The following ATL2 variants were observed in gnomAD, a reference collection of about 807,000 sequenced individuals.
ATL2 encodes atlastin-2.
ATL2 carries 31 observed loss-of-function variants against 73.9 expected under a neutral mutation model. The ratio of observed to expected loss-of-function variants is 0.42; its 90% CI spans 0.32 to 0.57. The LOEUF (loss-of-function observed/expected upper bound fraction) is 0.57. ATL2 is among the 20% of genes least tolerant of loss of function. The pLI, the probability that ATL2 is intolerant of heterozygous loss-of-function variation, is 0.14. For synonymous variants in ATL2, 291 were observed against 237.5 expected (o/e 1.23, Z -2.07); for missense variants, 738 against 702.6 (o/e 1.05, Z -0.57).
rs924529421 is a variant in ATL2 at position 38,294,802 on chromosome 2, T to G, written c.*1192A>C. 1.3e-5 allele frequency: 2 copies of G among 152,184 alleles called. No homozygotes were observed. The highest frequency in any genetic ancestry group is 2.4e-5 in the African/African-American group (1 of 41,442). The allele number at this position is 152,184 out of a possible 1,614,324, so 9.4% of individuals were successfully genotyped here. A position where few individuals can be genotyped will look rare whatever the true frequency, so the allele number is the denominator to read the frequency against. ...TCTCAACTGGGGTGTTTCCTGCTCA[T>G]GCTCTTTTCACTATAAACAAATGTG... On this transcript the variant is annotated 3_prime_UTR_variant, in exon 13 of 13. Coordinates refer to ENST00000378954, the MANE Select transcript of ATL2 (RefSeq NM_001135673.4).
intron 1 of ATL2, among the ~76,000 whole-genome samples, chr2:38,367,012 A>AT (rs935697431): frequency 2.0e-5 from 3 of 151,654 alleles, no homozygotes; most frequent in South Asian, 4.2e-4. Flanking sequence ...TACTATTATT[A>AT]TTTTTTTTAG....
chr2:38,303,207 T>G (rs1667273934), intron 9 of ATL2, among the ~76,000 whole-genome samples: 1 of 152,084 alleles, frequency 6.6e-6, no homozygotes, highest in South Asian at 2.1e-4. Context: ...CAAACCTCTT[T>G]TTTATTTTAT....
chr2:38,318,725 G>A, intron 3 of ATL2, 86 bp from the exon 4 acceptor site: 1 of 1,343,962 alleles, frequency 7.4e-7, no homozygotes, highest in Non-Finnish European at 1.0e-6. Flanking sequence ...TTGAAAAGCA[G>A]TAATTAAATC....
At chr2:38,367,386 G>A (rs1173172797) in intron 1 of ATL2, among the ~76,000 whole-genome samples, 3 of 151,250 alleles carry the variant, frequency 2.0e-5, no homozygotes, top group South Asian at 2.1e-4. Flanking sequence ...GGCAGATCAC[G>A]AGGTCAGGAG....
intron 2 of ATL2, among the ~76,000 whole-genome samples, chr2:38,338,495 G>C (rs1669506256): frequency 6.6e-6 from 1 of 151,660 alleles, no homozygotes; most frequent in Non-Finnish European, 1.5e-5. Context: ...ACTTTGGATT[G>C]TAACTCAAGT....
chr2:38,302,865 C>T (rs546092980), intron 9 of ATL2, among the ~76,000 whole-genome samples: 1 of 152,160 alleles, frequency 6.6e-6, no homozygotes, highest in Admixed American at 6.5e-5. Flanking sequence ...TACAAACAAG[C>T]CCAGACTGCA....
At chr2:38,330,722 G>C (rs956666205) in intron 2 of ATL2, among the ~76,000 whole-genome samples, 1 of 152,040 alleles carries the variant, frequency 6.6e-6, no homozygotes, top group Non-Finnish European at 1.5e-5. Context: ...ATAAAAAAAT[G>C]TTTGGATCTA....
intron 1 of ATL2, among the ~76,000 whole-genome samples, chr2:38,355,189 C>A (rs1251916578): frequency 6.6e-6 from 1 of 152,120 alleles, no homozygotes; most frequent in Non-Finnish European, 1.5e-5. Context: ...TGCAATGGCA[C>A]GATCTCAGCT....
chr2:38,326,966 C>T (rs372380477), intron 2 of ATL2, among the ~76,000 whole-genome samples: 1 of 151,488 alleles, frequency 6.6e-6, no homozygotes, highest in Non-Finnish European at 1.5e-5. Context: ...CCAGCCTGGG[C>T]GACAAAGCAA....
At chr2:38,348,406 C>T (rs1019284780) in intron 1 of ATL2, among the ~76,000 whole-genome samples, 9 of 151,220 alleles carry the variant, frequency 6.0e-5, no homozygotes, top group East Asian at 1.9e-4. Context: ...ACGGAGGTTG[C>T]GGTGAGCCAA....
intron 10 of ATL2, 57 bp downstream of exon 10, chr2:38,300,215 T>C: frequency 1.4e-6 from 2 of 1,408,592 alleles, no homozygotes; most frequent in Non-Finnish European, 2.0e-6. Flanking sequence ...GCAAAGATTT[T>C]TATTCTCCCT....
At chr2:38,350,599 A>G (rs1007336829) in intron 1 of ATL2, among the ~76,000 whole-genome samples, 2 of 152,218 alleles carry the variant, frequency 1.3e-5, no homozygotes, top group Non-Finnish European at 2.9e-5. Context: ...ATGTAAAACT[A>G]TAGACTTTGG....
chr2:38,300,497 A>C, intron 9 of ATL2, 169 bp from the exon 10 acceptor site: 1 of 514,186 alleles, frequency 1.9e-6, no homozygotes, highest in Non-Finnish European at 3.5e-6. Flanking sequence ...CAATATTATT[A>C]AATTATATGC....
intron 1 of ATL2, chr2:38,376,364 C>T: frequency 1.3e-6 from 1 of 751,606 alleles, no homozygotes; most frequent in Non-Finnish European, 1.9e-6. Context: ...TCAGCAAAAC[C>T]AGGGAGCCAA....
At chr2:38,339,423 T>C (rs1384047579) in intron 2 of ATL2, among the ~76,000 whole-genome samples, 2 of 152,214 alleles carry the variant, frequency 1.3e-5, no homozygotes, top group East Asian at 3.8e-4. Context: ...ATTGGTTTCT[T>C]AGTTTTGCAA....
chr2:38,363,320 C>G (rs1671116292), intron 1 of ATL2, among the ~76,000 whole-genome samples: 1 of 147,174 alleles, frequency 6.8e-6, no homozygotes, highest in Non-Finnish European at 1.5e-5. Context: ...CTCAGTACTT[C>G]TAGAAACCTG....
At chr2:38,346,989 G>T (rs1344282978) in intron 1 of ATL2, among the ~76,000 whole-genome samples, 2 of 152,082 alleles carry the variant, frequency 1.3e-5, no homozygotes, top group Non-Finnish European at 2.9e-5. Context: ...ACACTTTCCA[G>T]GAACAAGAAT....
At chr2:38,313,294 C>G in intron 6 of ATL2, 51 bp from the exon 7 acceptor site, 3 of 1,366,156 alleles carry the variant, frequency 2.2e-6, no homozygotes, top group Non-Finnish European at 3.0e-6. Flanking sequence ...AGAAAATTTA[C>G]GAAAAAATCA....
chr2:38,367,048 G>T (rs1034651413), intron 1 of ATL2, among the ~76,000 whole-genome samples: 6 of 151,848 alleles, frequency 4.0e-5, no homozygotes, highest in African/African-American at 1.5e-4. Context: ...ATGTCGCCCA[G>T]GCTCAGCTCC....
Sources: allele counts gnomAD v4.1 joint callset (sites outside exome capture counted in the v4.1 genomes callset), GRCh38; gene constraint gnomAD v4.1.1; transcripts MANE v1.5; gene names NCBI Gene and HGNC (gene_info 2026-07-23, HGNC 2026-07-21).